SLC10A7: variants seen among roughly 807,000 people sequenced by gnomAD.
SLC10A7 encodes sodium/bile acid cotransporter 7.
SLC10A7 carries 29 observed loss-of-function variants against 43.2 expected under a neutral mutation model. That is an observed-to-expected ratio of 0.67 (90% CI 0.50 to 0.92). SLC10A7 has a LOEUF of 0.92. Among genes scored for constraint, SLC10A7 ranks in the 40% least tolerant of loss-of-function variants. The pLI is 0.00. For missense variants in SLC10A7, 295 were observed against 403.2 expected (o/e 0.73, Z 2.30); for synonymous variants, 152 against 144.8 (o/e 1.05, Z -0.35).
At chr4:146,387,726 A>G (rs1247974551) in intron 5 of SLC10A7, among the ~76,000 whole-genome samples, 1 of 152,242 alleles carries the variant, frequency 6.6e-6, no homozygotes, top group Non-Finnish European at 1.5e-5. Flanking sequence ...AATGATTTCA[A>G]CAAAGTTTCA....
At chr4:146,291,560 T>A (rs1433012802) in intron 9 of SLC10A7, among the ~76,000 whole-genome samples, 4 of 152,240 alleles carry the variant, frequency 2.6e-5, no homozygotes, top group Non-Finnish European at 5.9e-5. Flanking sequence ...TCATGGGCTT[T>A]GCAATCTGGC....
chr4:146,312,504 C>A (rs572036636), intron 6 of SLC10A7, among the ~76,000 whole-genome samples: 1 of 152,178 alleles, frequency 6.6e-6, no homozygotes, highest in East Asian at 1.9e-4. Context: ...ACTATAGTAG[C>A]GATGCTGTAA....
chr4:146,498,124 T>A (rs1173784900), intron 4 of SLC10A7, among the ~76,000 whole-genome samples: 1 of 152,048 alleles, frequency 6.6e-6, no homozygotes, highest in Non-Finnish European at 1.5e-5. Flanking sequence ...CTTTTTTTTT[T>A]TTTTTTATTT....
At chr4:146,285,253 C>T (rs952162400) in intron 9 of SLC10A7, among the ~76,000 whole-genome samples, 1 of 152,092 alleles carries the variant, frequency 6.6e-6, no homozygotes, top group Non-Finnish European at 1.5e-5. Flanking sequence ...GAAGTGATCA[C>T]ACAGCATGGT....
intron 2 of SLC10A7, chr4:146,514,280 A>C (rs774314078): frequency 6.6e-6 from 1 of 152,238 alleles, no homozygotes; most frequent in Non-Finnish European, 1.5e-5. Context: ...TCAGCCCCTA[A>C]GTCTCCTGCT....
At chr4:146,451,250 A>AAAAAC (rs1480394677) in intron 4 of SLC10A7, among the ~76,000 whole-genome samples, 1 of 148,316 alleles carries the variant, frequency 6.7e-6, no homozygotes, top group East Asian at 1.9e-4. Flanking sequence ...AAAAAAAAAA[A>AAAAAC]CAAAAAAAAA....
At chr4:146,314,592 G>C (rs1455255834) in intron 6 of SLC10A7, among the ~76,000 whole-genome samples, 1 of 152,110 alleles carries the variant, frequency 6.6e-6, no homozygotes, top group Non-Finnish European at 1.5e-5. Context: ...GAGTGGGTGA[G>C]CATGTAGGCC....
chr4:146,406,447 A>G (rs1394870915), intron 5 of SLC10A7, among the ~76,000 whole-genome samples: 1 of 152,166 alleles, frequency 6.6e-6, no homozygotes, highest in East Asian at 1.9e-4. Flanking sequence ...TTTGGACCAT[A>G]TTAGACTGAC....
Position 146,464,543 on chromosome 4 carries a change from C to T in SLC10A7, c.397-21722G>A, listed in dbSNP as rs115194550. ...CATTGTATGTGACTAAGAGAAGTCA[C>T]AATGCAATGTACTTTAGGACAGTAA... On this transcript the variant is annotated intron_variant, in intron 4 of 11. Coordinates refer to ENST00000335472, the MANE Select transcript of SLC10A7 (RefSeq NM_001029998.6). 3.6e-3 allele frequency among the ~76,000 whole-genome samples: 543 copies of T among 151,770 alleles called. 5 individuals are homozygous for T. The highest frequency in any genetic ancestry group is 0.012 in the African/African-American group (494 of 41,390).
chr4:146,325,174 C>T (rs562544891), intron 6 of SLC10A7, among the ~76,000 whole-genome samples: 1 of 152,288 alleles, frequency 6.6e-6, no homozygotes, highest in African/African-American at 2.4e-5. Context: ...AACACATCCC[C>T]ACTACATTTC....
chr4:146,334,552 T>C (rs1578911541), intron 5 of SLC10A7, among the ~76,000 whole-genome samples: 1 of 152,118 alleles, frequency 6.6e-6, no homozygotes, highest in East Asian at 1.9e-4. Context: ...TTTGGTTTTG[T>C]TGTTTGCTTT....
intron 4 of SLC10A7, among the ~76,000 whole-genome samples, chr4:146,479,957 A>G (rs1734332554): frequency 6.6e-6 from 1 of 152,198 alleles, no homozygotes; most frequent in Non-Finnish European, 1.5e-5. Context: ...AAAAAGCAGA[A>G]TATCTGTCTC....
chr4:146,271,223 A>G (rs954152972), intron 10 of SLC10A7, among the ~76,000 whole-genome samples: 1 of 152,192 alleles, frequency 6.6e-6, no homozygotes, highest in South Asian at 2.1e-4. Flanking sequence ...TCAAAAAGAC[A>G]TATCAAACTT....
chr4:146,335,010 T>C (rs1158386097), intron 5 of SLC10A7, among the ~76,000 whole-genome samples: 3 of 151,914 alleles, frequency 2.0e-5, no homozygotes, highest in Admixed American at 2.0e-4. Flanking sequence ...CAAGTCGGCC[T>C]GCCACACATT....
At chr4:146,394,821 C>A (rs1579076382) in intron 5 of SLC10A7, among the ~76,000 whole-genome samples, 1 of 152,126 alleles carries the variant, frequency 6.6e-6, no homozygotes. Context: ...CTTTTTCTCA[C>A]CCATGGGATC....
rs1467792609 is a variant in SLC10A7 at position 146,476,913 on chromosome 4, C to T, written c.396+26936G>A. On this transcript the variant is annotated intron_variant, in intron 4 of 11. Transcript: ENST00000335472. ...TGTAAAGAGTGAAAAACACAGATCA[C>T]CCTTTGTCACTGAAGTAACAACAAA... 2.0e-5 allele frequency among the ~76,000 whole-genome samples: 3 copies of T among 150,450 alleles called. No individual in the cohort carries two copies. In the East Asian group the frequency reaches 5.9e-4, roughly 30 times the overall value.
At chr4:146,407,317 A>G (rs2149825754) in intron 5 of SLC10A7, among the ~76,000 whole-genome samples, 1 of 152,336 alleles carries the variant, frequency 6.6e-6, no homozygotes, top group South Asian at 2.1e-4. Context: ...TACCATCACC[A>G]CAATCAAGTT....
chr4:146,515,144 G>A (rs1329157612), intron 2 of SLC10A7: 2 of 702,330 alleles, frequency 2.8e-6, no homozygotes, highest in East Asian at 2.7e-5. Flanking sequence ...ATCGCATTAA[G>A]TAAGAAGCTA....
chr4:146,424,354 G>A (rs1280795864), intron 5 of SLC10A7, among the ~76,000 whole-genome samples: 2 of 152,114 alleles, frequency 1.3e-5, no homozygotes, highest in Non-Finnish European at 2.9e-5. Context: ...TCTTGTCTGA[G>A]AATCATTGTT....
Sources: gnomAD v4.1 joint callset for allele counts (sites outside exome capture counted in the v4.1 genomes callset) on GRCh38, gnomAD v4.1.1 for gene constraint, MANE v1.5 for transcripts, NCBI Gene and HGNC (gene_info 2026-07-23, HGNC 2026-07-21) for gene names.